Variants in RHOT1 observed in about 807,000 individuals in gnomAD.
The protein encoded by RHOT1 is ras homolog family member T1.
RHOT1 carries 27 observed loss-of-function variants against 95.3 expected under a neutral mutation model. That is an observed-to-expected ratio of 0.28 (90% CI 0.21 to 0.39). RHOT1 has a LOEUF of 0.39. Among genes scored for constraint, RHOT1 ranks in the 10% least tolerant of loss-of-function variants. The probability of loss-of-function intolerance (pLI) is 1.00; values close to 1 mark genes in which losing one functional copy is unlikely to be tolerated. For synonymous variants in RHOT1, 227 were observed against 263.5 expected (o/e 0.86, Z 1.34); for missense variants, 578 against 786.7 (o/e 0.73, Z 3.17).
chr17:32,154,285 T>TAAAAAAAAAAA (rs539073195), intron 1 of RHOT1, among the ~76,000 whole-genome samples: 1 of 124,816 alleles, frequency 8.0e-6, no homozygotes, highest in African/African-American at 3.1e-5. Flanking sequence ...TACGAGAAAT[T>TAAAAAAAAAAA]AAAAAAAAAA....
At position 32,170,307 on chromosome 17, in the gene RHOT1, T is replaced by G. The variant is rs571449128; in HGVS notation, c.38-736T>G. ...ACACATGCCTATAATCCCAGCTACT[T>G]TGGAGGCTAAGGCACGAGAATCGCA... On this transcript the variant is annotated intron_variant, in intron 1 of 19. Transcript: ENST00000545287. Among the ~76,000 whole-genome samples the G allele has an allele frequency of 2.0e-5, 3 of 152,000 alleles. No homozygotes were observed. In the East Asian group the frequency reaches 5.8e-4, roughly 30 times the overall value.
intron 1 of RHOT1, among the ~76,000 whole-genome samples, chr17:32,153,658 C>CA (rs1292852655): frequency 6.3e-4 from 95 of 150,624 alleles, no homozygotes; most frequent in African/African-American, 2.0e-3. Flanking sequence ...GACCCTGTCT[C>CA]AAAAAAGAAA....
intron 15 of RHOT1, among the ~76,000 whole-genome samples, chr17:32,203,269 C>CTTCTTTT (rs1485362280): frequency 6.8e-4 from 49 of 72,334 alleles, no homozygotes; most frequent in African/African-American, 3.0e-3. Context: ...TCTTCTTCTT[C>CTTCTTTT]TTTTTTTTTT....
At chr17:32,191,093 C>A (rs1322894416) in intron 8 of RHOT1, among the ~76,000 whole-genome samples, 1 of 152,166 alleles carries the variant, frequency 6.6e-6, no homozygotes, top group Non-Finnish European at 1.5e-5. Context: ...CCGCGCCCAG[C>A]CTCAAATGCT....
intron 18 of RHOT1, chr17:32,208,812 A>T: frequency 6.3e-6 from 1 of 157,632 alleles, no homozygotes; most frequent in South Asian, 1.8e-4. Flanking sequence ...TTTCTACTGT[A>T]TAAATGTTTT....
intron 19 of RHOT1, among the ~76,000 whole-genome samples, chr17:32,219,808 A>G (rs1025314641): frequency 2.0e-5 from 3 of 152,206 alleles, no homozygotes; most frequent in African/African-American, 7.2e-5. Context: ...CAAACTGCGA[A>G]TGATTAGTTA....
At position 32,201,207 on chromosome 17, in the gene RHOT1, G is replaced by A. The variant is rs571624448; in HGVS notation, c.1201+151G>A. On this transcript the variant is annotated intron_variant, in intron 14 of 19. Transcript: ENST00000545287. ...CTTGTGATCAGATCATTTCTTTTGT[G>A]TTGAGGTGCTTGATTTTATTGTTTA... 8.4e-6 allele frequency: 4 copies of A among 475,548 alleles called. No homozygotes were observed. The East Asian group carries it at 1.5e-4, about 18-fold the overall frequency. 29.5% of individuals were successfully genotyped at this position (475,548 alleles called of 1,614,324 possible).
intron 1 of RHOT1, among the ~76,000 whole-genome samples, chr17:32,152,760 T>A (rs2032472074): frequency 6.6e-6 from 1 of 152,132 alleles, no homozygotes; most frequent in South Asian, 2.1e-4. Context: ...CCAGTAGCCT[T>A]TCAGTGTTGG....
chr17:32,188,261 C>G (rs1025187357), intron 8 of RHOT1, among the ~76,000 whole-genome samples: 4 of 152,216 alleles, frequency 2.6e-5, no homozygotes, highest in African/African-American at 9.6e-5. Context: ...GTTCAAATTA[C>G]AGTTCCAGCA....
chr17:32,145,183 C>T (rs1266123054), intron 1 of RHOT1, among the ~76,000 whole-genome samples: 1 of 151,894 alleles, frequency 6.6e-6, no homozygotes, highest in Non-Finnish European at 1.5e-5. Flanking sequence ...ACCTGTAATC[C>T]CAGCTACTCA....
intron 1 of RHOT1, among the ~76,000 whole-genome samples, chr17:32,143,968 G>T (rs953474116): frequency 6.6e-6 from 1 of 152,170 alleles, no homozygotes; most frequent in Non-Finnish European, 1.5e-5. Flanking sequence ...TTTAGAATTA[G>T]AATTTAGGAG....
intron 18 of RHOT1, chr17:32,209,333 A>G (rs771797201): frequency 1.4e-6 from 2 of 1,433,022 alleles, no homozygotes; most frequent in South Asian, 2.6e-5. Context: ...TAAAACTCTC[A>G]TGTATGTTAT....
At chr17:32,165,634 C>T (rs2034008642) in intron 1 of RHOT1, among the ~76,000 whole-genome samples, 1 of 152,074 alleles carries the variant, frequency 6.6e-6, no homozygotes, top group Non-Finnish European at 1.5e-5. Flanking sequence ...TATGCACATA[C>T]ATATTTATCT....
At chr17:32,163,028 G>C (rs1365041503) in intron 1 of RHOT1, among the ~76,000 whole-genome samples, 1 of 152,132 alleles carries the variant, frequency 6.6e-6, no homozygotes, top group Non-Finnish European at 1.5e-5. Context: ...ATTGAGTGGG[G>C]GATAGTGGGA....
intron 19 of RHOT1, among the ~76,000 whole-genome samples, chr17:32,223,409 TTTTC>T (rs1323513100): frequency 6.6e-6 from 1 of 151,468 alleles, no homozygotes; most frequent in Non-Finnish European, 1.5e-5. Flanking sequence ...GTAAGTTTTC[TTTTC>T]TTTCTTTTTT....
chr17:32,192,444 A>G (rs904597512), intron 9 of RHOT1, 145 bp downstream of exon 9: 36 of 621,660 alleles, frequency 5.8e-5, no homozygotes, highest in Non-Finnish European at 9.8e-5. Flanking sequence ...TTTCACATCA[A>G]CCTATATATG....
chr17:32,197,551 G>A lies in RHOT1; in HGVS notation c.870-1396G>A, dbSNP rs1205511016. On this transcript the variant is annotated intron_variant, in intron 11 of 19. Transcript: ENST00000545287. Reference sequence around the variant, plus strand: ...CGACATTCTCCTACCTCAGCCTCCCGAGTAGCTGGGACTACAGGCGTCCAC... The same window carrying A: ...CGACATTCTCCTACCTCAGCCTCCCAAGTAGCTGGGACTACAGGCGTCCAC... Among the ~76,000 whole-genome samples, 4 of 151,636 alleles carry A rather than the reference G, an allele frequency of 2.6e-5. No individual in the cohort carries two copies. In the East Asian group the frequency reaches 5.9e-4, roughly 22 times the overall value.
At position 32,142,507 on chromosome 17, in the gene RHOT1, C is replaced by T. The variant is rs1476691136; in HGVS notation, c.-186C>T. On this transcript the variant is annotated 5_prime_UTR_variant, in exon 1 of 20. Transcript: ENST00000545287. The stretch of plus-strand genomic sequence containing the variant: ...CCGCCGCCGCCGCCGCCGCCACAGC[C>T]CGCTGGGCCGGAGGAGGCGGAGCTG... 3.2e-5 allele frequency: 14 copies of T among 439,340 alleles called. No homozygotes were observed. In the East Asian group the frequency reaches 5.9e-4, roughly 18 times the overall value. 27.2% of individuals were successfully genotyped at this position (439,340 alleles called of 1,614,324 possible). A position where few individuals can be genotyped will look rare whatever the true frequency, so the allele number is the denominator to read the frequency against.
At chr17:32,152,427 G>A (rs1026137081) in intron 1 of RHOT1, among the ~76,000 whole-genome samples, 1 of 152,192 alleles carries the variant, frequency 6.6e-6, no homozygotes, top group Admixed American at 6.5e-5. Context: ...AAAAGCAGAA[G>A]GAGACTGTGA....
Sources: gnomAD v4.1 joint callset for allele counts (sites outside exome capture counted in the v4.1 genomes callset) on GRCh38, gnomAD v4.1.1 for gene constraint, MANE v1.5 for transcripts, NCBI Gene and HGNC (gene_info 2026-07-23, HGNC 2026-07-21) for gene names.